CWF19L2: variants seen among roughly 807,000 people sequenced by gnomAD.
CWF19L2 encodes CWF19 like cell cycle control factor 2.
Under a neutral mutation model 111.7 loss-of-function variants are expected in CWF19L2, and 98 were observed. That is an observed-to-expected ratio of 0.88 (90% CI 0.75 to 1.04). The LOEUF is 1.04. CWF19L2 is among the 50% of genes least tolerant of loss of function. CWF19L2 has a pLI of 0.00. For missense variants in CWF19L2, 1,101 were observed against 1,051.4 expected (o/e 1.05, Z -0.65); for synonymous variants, 351 against 342.9 (o/e 1.02, Z -0.26).
Position 107,393,028 on chromosome 11 carries a change from T to C in CWF19L2, c.1618-133A>G. On this transcript the variant is annotated intron_variant, in intron 10 of 17. Transcript: ENST00000282251. Reference sequence around the variant, plus strand: ...TGTGGATTGCCTTAAATCTCCTGGATTTTCATTACTCTCTATACTATAAAA... The same window carrying C: ...TGTGGATTGCCTTAAATCTCCTGGACTTTCATTACTCTCTATACTATAAAA... 7.0e-6 allele frequency: 4 copies of C among 574,408 alleles called. No individual in the cohort carries two copies. In the South Asian group the frequency reaches 9.7e-5, roughly 14 times the overall value. 35.6% of individuals were successfully genotyped at this position (574,408 alleles called of 1,614,324 possible).
intron 8 of CWF19L2, among the ~76,000 whole-genome samples, chr11:107,428,221 T>C (rs1227139461): frequency 6.6e-6 from 1 of 152,132 alleles, no homozygotes; most frequent in Non-Finnish European, 1.5e-5. Flanking sequence ...AAATGCAACA[T>C]ATATTTTATA....
intron 10 of CWF19L2, among the ~76,000 whole-genome samples, chr11:107,414,440 T>C (rs2135396464): frequency 6.6e-6 from 1 of 152,316 alleles, no homozygotes; most frequent in Non-Finnish European, 1.5e-5. Context: ...TGCCTGTGAT[T>C]ATTTTATGCA....
At chr11:107,406,114 AAAAAG>A (rs1008639075) in intron 10 of CWF19L2, among the ~76,000 whole-genome samples, 1 of 152,198 alleles carries the variant, frequency 6.6e-6, no homozygotes, top group African/African-American at 2.4e-5. Flanking sequence ...TACGCTGATT[AAAAAG>A]AAAAGGAAAA....
In CWF19L2 at chr11:107,353,602, A is replaced by G; in HGVS notation, c.2007T>C (p.Ala669=). The G allele has an allele frequency of 1.2e-6, 2 of 1,613,870 alleles. No homozygotes were observed. The highest frequency in any genetic ancestry group is 2.2e-5 in the South Asian group (2 of 91,082). The change falls in exon 13 of 18, where the codon GCT becomes GCC. Residue 669 remains alanine, a synonymous_variant. Coordinates refer to ENST00000282251, the MANE Select transcript of CWF19L2 (RefSeq NM_152434.3). ...KKAIAEHRSL[A]AQMEKCLYCF... is the part of the protein sequence containing the mutation. ...AATACAGACATTTTTCCATTTGTGC[A>G]GCAAGACTCCGATGCTCAGCAATAG...
intron 12 of CWF19L2, among the ~76,000 whole-genome samples, chr11:107,387,755 T>A (rs932594180): frequency 2.6e-5 from 4 of 152,200 alleles, no homozygotes; most frequent in Admixed American, 6.5e-5. Flanking sequence ...CATGCTCCTA[T>A]GAGAATCTTG....
chr11:107,391,268 A>G (rs1365389929), intron 11 of CWF19L2, among the ~76,000 whole-genome samples: 1 of 152,122 alleles, frequency 6.6e-6, no homozygotes, highest in Non-Finnish European at 1.5e-5. Context: ...CCTCTAGGGA[A>G]CCCTAATACA....
intron 12 of CWF19L2, among the ~76,000 whole-genome samples, chr11:107,379,254 G>A (rs1250380208): frequency 1.3e-5 from 2 of 152,224 alleles, no homozygotes; most frequent in Non-Finnish European, 2.9e-5. Context: ...GTTCTCAAAT[G>A]AGGCAATTTT....
At chr11:107,411,359 AC>A (rs1466776524) in intron 10 of CWF19L2, among the ~76,000 whole-genome samples, 6 of 152,256 alleles carry the variant, frequency 3.9e-5, no homozygotes, top group African/African-American at 1.4e-4. Context: ...TAGCTCTGCA[AC>A]CTTTTTTGAT....
intron 3 of CWF19L2, among the ~76,000 whole-genome samples, chr11:107,443,714 A>C (rs79758250): frequency 1.7e-4 from 26 of 152,302 alleles, no homozygotes; most frequent in African/African-American, 5.8e-4. Context: ...GGGAAACACC[A>C]CCCAGGTAAA....
chr11:107,428,882 T>C lies in CWF19L2; in HGVS notation c.1350A>G (p.Pro450=), dbSNP rs757982560. The change falls in exon 8 of 18, where the codon CCA becomes CCG. Residue 450 remains proline (P), a synonymous_variant. Transcript: ENST00000282251. ...AGACTTCATCTTGTGATTTTTCTCT[T>C]GGGTCTTCTGGAACATGTTGGTGTT... The part of the protein sequence containing the change: ...TDEHQHVPED[P]REKSQDEVLR... The C allele has an allele frequency of 1.9e-6, 3 of 1,613,650 alleles. No individual in the cohort carries two copies. The highest frequency in any genetic ancestry group is 2.7e-5 in the African/African-American group (2 of 74,920).
chr11:107,388,475 C>T (rs1425825137), intron 12 of CWF19L2, among the ~76,000 whole-genome samples: 7 of 152,060 alleles, frequency 4.6e-5, no homozygotes, highest in African/African-American at 1.4e-4. Flanking sequence ...CTCCACCTCC[C>T]GGGTTCCAGG....
At chr11:107,404,846 T>C (rs1297811326) in intron 10 of CWF19L2, among the ~76,000 whole-genome samples, 1 of 152,210 alleles carries the variant, frequency 6.6e-6, no homozygotes, top group Admixed American at 6.5e-5. Context: ...TACTTTCCTC[T>C]TCTACTCACT....
intron 14 of CWF19L2, chr11:107,345,531 T>A (rs1264820679): frequency 1.1e-5 from 5 of 447,546 alleles, no homozygotes; most frequent in African/African-American, 1.0e-4. Flanking sequence ...ATGTCATGAA[T>A]TATAAACAAA....
intron 10 of CWF19L2, among the ~76,000 whole-genome samples, chr11:107,400,949 A>G (rs1369659424): frequency 6.6e-6 from 1 of 152,202 alleles, no homozygotes; most frequent in Admixed American, 6.5e-5. Flanking sequence ...ACATAAAGAG[A>G]ATTAAAAACA....
Position 107,433,624 on chromosome 11 carries a change from A to G in CWF19L2, c.780+10T>C. ...AAAATAAGAGGCATCTCCTTAAAAC[A>G]GATACTCACCCCATATCTTTCGGCT... On this transcript the variant is annotated intron_variant, in intron 7 of 17. Coordinates refer to ENST00000282251, the MANE Select transcript of CWF19L2 (RefSeq NM_152434.3). 1 of 1,392,824 alleles carries G rather than the reference A, an allele frequency of 7.2e-7. No individual in the cohort carries two copies. The highest frequency in any genetic ancestry group is 1.8e-4 in the Middle Eastern group (1 of 5,478). 86.3% of individuals were successfully genotyped at this position (1,392,824 alleles called of 1,614,324 possible). A position where few individuals can be genotyped will look rare whatever the true frequency, so the allele number is the denominator to read the frequency against.
At chr11:107,398,180 T>A (rs1195312992) in intron 10 of CWF19L2, among the ~76,000 whole-genome samples, 1 of 151,630 alleles carries the variant, frequency 6.6e-6, no homozygotes, top group Admixed American at 6.6e-5. Context: ...CAAGAAGAAA[T>A]CCCTGATTTC....
chr11:107,439,215 C>T (rs1555028491), intron 5 of CWF19L2, 32 bp from the exon 6 acceptor site: 1 of 1,316,954 alleles, frequency 7.6e-7, no homozygotes, highest in Non-Finnish European at 1.1e-6. Context: ...GGTGAAATTT[C>T]AAAAAATTAA....
At chr11:107,433,011 T>C (rs1861486078) in intron 7 of CWF19L2, among the ~76,000 whole-genome samples, 1 of 152,186 alleles carries the variant, frequency 6.6e-6, no homozygotes, top group African/African-American at 2.4e-5. Context: ...CAACTATGTG[T>C]ACATTATTAA....
chr11:107,336,311 T>C (rs555470785), intron 15 of CWF19L2, among the ~76,000 whole-genome samples: 1 of 152,180 alleles, frequency 6.6e-6, no homozygotes, highest in South Asian at 2.1e-4. Flanking sequence ...CATGCCCAGT[T>C]AATTTTTGTA....
Sources: allele counts gnomAD v4.1 joint callset (sites outside exome capture counted in the v4.1 genomes callset), GRCh38; gene constraint gnomAD v4.1.1; transcripts MANE v1.5; gene names NCBI Gene and HGNC (gene_info 2026-07-23, HGNC 2026-07-21).